The following DMD variants were observed in gnomAD, a reference collection of about 807,000 sequenced individuals.
DMD encodes dystrophin.
A neutral mutation model predicts 330.1 loss-of-function variants in DMD; 63 were observed. That is an observed-to-expected ratio of 0.19 (90% CI 0.16 to 0.24). The LOEUF is 0.24. Ranked by LOEUF, DMD falls within the 10% of genes least tolerant of loss-of-function variation. DMD has a pLI of 1.00. For synonymous variants in DMD, 1,223 were observed against 959.8 expected (o/e 1.27, Z -5.07); for missense variants, 3,344 against 2,684.1 (o/e 1.25, Z -5.43).
intron 1 of DMD, among the ~76,000 whole-genome samples, chrX:33,305,127 T>C (rs1328857914): frequency 1.8e-5 from 2 of 109,128 alleles, no homozygotes; most frequent in African/African-American, 3.3e-5. Flanking sequence ...CGTATGTTCA[T>C]TGCGGCACTA....
At chrX:32,765,275 T>C (rs28892395) in intron 7 of DMD, among the ~76,000 whole-genome samples, 5,139 of 110,820 alleles carry the variant, frequency 0.046, 295 homozygotes, top group African/African-American at 0.16. Flanking sequence ...AAATTTCTGA[T>C]GAATGGTTTA....
In DMD at chrX:31,522,363, C is replaced by CTATATATATATATATATATA. The variant is rs1556678891; in HGVS notation, c.8218-14930_8218-14911dup. On this transcript the variant is annotated intron_variant, in intron 55 of 78. Coordinates refer to ENST00000357033, the MANE Select transcript of DMD (RefSeq NM_004006.3). ...TCTCTCTCTCTCTCTCTCTCTCTCT[C>CTATATATATATATATATATA]TATATATATATATATATATATATAG... 1.5e-3 allele frequency among the ~76,000 whole-genome samples: 53 copies of CTATATATATATATATATATA among 35,940 alleles called. 2 individuals carry two copies. Among genetic ancestry groups the CTATATATATATATATATATA allele is most frequent in the East Asian group, 2.9e-3 (3 of 1,026 alleles). The allele number at this position is 35,940 out of a possible 115,157, so 31.2% of individuals were successfully genotyped here.
chrX:31,138,030 T>C (rs2035479053), intron 76 of DMD, among the ~76,000 whole-genome samples: 1 of 111,871 alleles, frequency 8.9e-6, no homozygotes, highest in African/African-American at 3.3e-5. Context: ...AAACAGTACT[T>C]CCCTGGCCTG....
chrX:32,243,447 G>A (rs758782738), intron 43 of DMD, among the ~76,000 whole-genome samples: 128 of 111,734 alleles, frequency 1.1e-3, no homozygotes, highest in Non-Finnish European at 2.0e-3. Flanking sequence ...GTGCTATGCT[G>A]GTAAATGTCT....
chrX:32,013,208 T>A (rs113614441), intron 44 of DMD, among the ~76,000 whole-genome samples: 5,396 of 105,366 alleles, frequency 0.051, 362 homozygotes, highest in African/African-American at 0.18. Context: ...TGCCTCAGCC[T>A]GCTAAGTAGC....
chrX:32,185,544 TATA>T (rs1303795862), intron 44 of DMD, among the ~76,000 whole-genome samples: 2 of 111,561 alleles, frequency 1.8e-5, no homozygotes, highest in Non-Finnish European at 3.8e-5. Flanking sequence ...TCAAAAAATA[TATA>T]ATAAGTGCCT....
In DMD at chrX:31,279,918, A is replaced by G. The variant is rs771270660; in HGVS notation, c.9225-18902T>C. Among the ~76,000 whole-genome samples, 221 of 112,856 alleles carry G rather than the reference A, an allele frequency of 2.0e-3. 1 individual carries two copies. The highest frequency in any genetic ancestry group is 6.5e-3 in the African/African-American group (202 of 31,151). On this transcript the variant is annotated intron_variant, in intron 62 of 78. Transcript: ENST00000357033. Reference sequence around the variant, plus strand: ...TAAAAAGAAAAAGAATGTGCAACAAAGATGCAAAGTGCTCCACAAAGCCTA... The same window carrying G: ...TAAAAAGAAAAAGAATGTGCAACAAGGATGCAAAGTGCTCCACAAAGCCTA...
Position 31,961,775 on chromosome X carries a change from G to GT in DMD, c.6614+6563dup, listed in dbSNP as rs59655083. Among the ~76,000 whole-genome samples the GT allele has an allele frequency of 7.0e-3, 491 of 69,685 alleles. 1 individual carries two copies. Among genetic ancestry groups the GT allele is most frequent in the South Asian group, 0.033 (42 of 1,261 alleles). The allele number at this position is 69,685 out of a possible 115,157, so 60.5% of individuals were successfully genotyped here. A position where few individuals can be genotyped will look rare whatever the true frequency, so the allele number is the denominator to read the frequency against. ...TTTTTTGTCTTGTTTTTTGTTCTTT[G>GT]TTTTTTTTTTTTTGCAAAAGCTGAA... On this transcript the variant is annotated intron_variant, in intron 45 of 78. Transcript: ENST00000357033.
intron 2 of DMD, among the ~76,000 whole-genome samples, chrX:32,909,312 C>T (rs148383013): frequency 9.0e-6 from 1 of 110,982 alleles, no homozygotes. Flanking sequence ...TAGTCAAACT[C>T]CAGGGAATTC....
At chrX:32,791,245 G>A (rs970122956) in intron 7 of DMD, among the ~76,000 whole-genome samples, 7 of 111,529 alleles carry the variant, frequency 6.3e-5, no homozygotes, top group East Asian at 2.8e-4. Context: ...GCCATTACCC[G>A]CACCATGCTT....
intron 1 of DMD, among the ~76,000 whole-genome samples, chrX:33,263,503 T>C (rs990851019): frequency 1.8e-5 from 2 of 108,712 alleles, no homozygotes; most frequent in African/African-American, 6.6e-5. Flanking sequence ...ATTTTGAGTT[T>C]CTTAGTTTTG....
At chrX:31,839,512 C>T (rs1188834956) in intron 48 of DMD, among the ~76,000 whole-genome samples, 1 of 112,077 alleles carries the variant, frequency 8.9e-6, no homozygotes, top group African/African-American at 3.2e-5. Context: ...GAGTTAAATA[C>T]AGAGTCTACT....
chrX:31,781,204 T>C (rs1469273956), intron 50 of DMD, among the ~76,000 whole-genome samples: 1 of 111,947 alleles, frequency 8.9e-6, no homozygotes, highest in Non-Finnish European at 1.9e-5. Context: ...GGGTAGATGT[T>C]ATCATCCCCC....
At chrX:31,952,710 A>G (rs1443794145) in intron 45 of DMD, among the ~76,000 whole-genome samples, 1 of 111,994 alleles carries the variant, frequency 8.9e-6, no homozygotes, top group East Asian at 2.8e-4. Flanking sequence ...GCCAATTCAG[A>G]GACAACTTTT....
rs994394658 is a variant in DMD at position 33,278,703 on chromosome X, G to A, written c.7+60556C>T. ...TTCCTTTGGGTATAAACCCAGTAAT[G>A]AGATTGCTGGGTCAAATGGTAGTCC... On this transcript the variant is annotated intron_variant, in intron 1 of 17. Coordinates refer to the DMD transcript ENST00000288447. 1.8e-5 allele frequency among the ~76,000 whole-genome samples: 2 copies of A among 111,025 alleles called. 1 individual carries two copies. The highest frequency in any genetic ancestry group is 3.8e-5 in the Non-Finnish European group (2 of 53,008).
At chrX:32,957,864 T>A (rs1248704469) in intron 2 of DMD, among the ~76,000 whole-genome samples, 1 of 111,846 alleles carries the variant, frequency 8.9e-6, no homozygotes, top group Non-Finnish European at 1.9e-5. Flanking sequence ...CCAGATGGAA[T>A]AAGAAATACA....
At chrX:32,658,501 T>A (rs1445619156) in intron 9 of DMD, among the ~76,000 whole-genome samples, 1 of 111,572 alleles carries the variant, frequency 9.0e-6, no homozygotes, top group Admixed American at 9.6e-5. Flanking sequence ...TGTGTTCCAA[T>A]AAAACTTTAT....
chrX:32,033,669 AAAGGAAG>A (rs1289446159), intron 44 of DMD, among the ~76,000 whole-genome samples: 2 of 52,327 alleles, frequency 3.8e-5, no homozygotes, highest in African/African-American at 1.1e-4. Flanking sequence ...AGAAAGAAAG[AAAGGAAG>A]GAAAGAAAGA....
At chrX:33,168,939 T>A (rs1201557204) in intron 1 of DMD, among the ~76,000 whole-genome samples, 1 of 110,580 alleles carries the variant, frequency 9.0e-6, no homozygotes, top group Non-Finnish European at 1.9e-5. Flanking sequence ...CAGAAATGCA[T>A]GAATACCTTT....
Sources: gnomAD v4.1 joint callset for allele counts (sites outside exome capture counted in the v4.1 genomes callset) on GRCh38, gnomAD v4.1.1 for gene constraint, MANE v1.5 for transcripts, NCBI Gene and HGNC (gene_info 2026-07-23, HGNC 2026-07-21) for gene names.